Variants in PACRG observed in about 807,000 individuals in gnomAD.
PACRG encodes parkin coregulated.
In PACRG, 29 loss-of-function variants were observed where a neutral mutation model predicts 29.7. The observed-to-expected ratio is 0.98, with a 90% CI of 0.73 to 1.33. PACRG has a LOEUF of 1.33. Among genes scored for constraint, PACRG ranks in the 40% most tolerant of loss-of-function variants. PACRG has a pLI of 0.00. For missense variants in PACRG, 279 were observed against 316.2 expected (o/e 0.88, Z 0.89); for synonymous variants, 116 against 118.7 (o/e 0.98, Z 0.15).
At chr6:163,066,445 G>C (rs920871263) in intron 3 of PACRG, among the ~76,000 whole-genome samples, 3 of 152,210 alleles carry the variant, frequency 2.0e-5, no homozygotes, top group Non-Finnish European at 4.4e-5. Context: ...GGAGGACAGT[G>C]TAGTGTGAAA....
intron 4 of PACRG, among the ~76,000 whole-genome samples, chr6:163,102,889 G>A (rs1276940809): frequency 1.3e-5 from 2 of 152,180 alleles, no homozygotes; most frequent in Non-Finnish European, 2.9e-5. Context: ...TTTGTTGTTT[G>A]TTTTAATGTA....
intron 4 of PACRG, among the ~76,000 whole-genome samples, chr6:163,099,320 A>G (rs566526979): frequency 3.9e-5 from 6 of 152,310 alleles, no homozygotes; most frequent in Non-Finnish European, 8.8e-5. Flanking sequence ...AAGGCCTTAC[A>G]GATCTGCCTA....
chr6:162,793,838 C>T (rs941051145), intron 1 of PACRG, among the ~76,000 whole-genome samples: 7 of 152,108 alleles, frequency 4.6e-5, no homozygotes, highest in African/African-American at 1.7e-4. Flanking sequence ...CTTAACAATT[C>T]TTGTGTTCTG....
intron 2 of PACRG, among the ~76,000 whole-genome samples, chr6:162,931,952 G>A (rs1797881880): frequency 1.3e-5 from 2 of 151,958 alleles, no homozygotes; most frequent in African/African-American, 4.8e-5. Flanking sequence ...CAATGACTTC[G>A]ACATGAATGT....
At position 163,100,432 on chromosome 6, in the gene PACRG, C is replaced by T. The variant is rs114009029; in HGVS notation, c.613+11024C>T. 7.0e-3 allele frequency among the ~76,000 whole-genome samples: 1,070 copies of T among 152,302 alleles called. 13 individuals carry two copies. The highest frequency in any genetic ancestry group is 0.024 in the African/African-American group (1,015 of 41,568). Reference sequence around the variant, plus strand: ...GCGTCGCGCGGCCAGCCCCTGGGGACACCTTCAGGCTGCTCGAGAGGGTTC... The same window carrying T: ...GCGTCGCGCGGCCAGCCCCTGGGGATACCTTCAGGCTGCTCGAGAGGGTTC... On this transcript the variant is annotated intron_variant, in intron 4 of 4. Transcript: ENST00000366888.
At chr6:163,184,314 A>G (rs114540666) in intron 4 of PACRG, among the ~76,000 whole-genome samples, 1,740 of 152,278 alleles carry the variant, frequency 0.011, 34 homozygotes, top group African/African-American at 0.04. Context: ...GAGTCTGGTA[A>G]ATCCTGTACA....
At chr6:162,886,374 T>G (rs940382938) in intron 2 of PACRG, among the ~76,000 whole-genome samples, 1 of 152,196 alleles carries the variant, frequency 6.6e-6, no homozygotes, top group Non-Finnish European at 1.5e-5. Flanking sequence ...GGGCCACTCT[T>G]CTGTCCTCAT....
intron 1 of PACRG, among the ~76,000 whole-genome samples, chr6:162,771,063 A>T (rs955441044): frequency 6.6e-6 from 1 of 152,154 alleles, no homozygotes; most frequent in African/African-American, 2.4e-5. Flanking sequence ...GAAATACATT[A>T]GTATTCTTAA....
intron 2 of PACRG, among the ~76,000 whole-genome samples, chr6:162,954,912 T>C (rs1799907017): frequency 6.6e-6 from 1 of 152,214 alleles, no homozygotes; most frequent in Non-Finnish European, 1.5e-5. Flanking sequence ...CTGATATTAG[T>C]AGCTGAGAAT....
chr6:163,262,150 C>T (rs1272227168), intron 4 of PACRG, among the ~76,000 whole-genome samples: 1 of 152,154 alleles, frequency 6.6e-6, no homozygotes, highest in Non-Finnish European at 1.5e-5. Context: ...GGCCCTGGCC[C>T]AAGACTTTGA....
intron 1 of PACRG, among the ~76,000 whole-genome samples, chr6:162,787,586 A>ATC (rs1784599205): frequency 1.2e-4 from 6 of 49,796 alleles, no homozygotes; most frequent in Non-Finnish European, 2.2e-4. Flanking sequence ...GTGTGTGTAT[A>ATC]TATATATATA....
At chr6:163,241,543 G>A (rs1331865951) in intron 4 of PACRG, among the ~76,000 whole-genome samples, 3 of 152,162 alleles carry the variant, frequency 2.0e-5, no homozygotes, top group Non-Finnish European at 4.4e-5. Context: ...TGGGGACCAG[G>A]GTTTTGGAAA....
intron 4 of PACRG, chr6:163,183,072 T>C (rs1779748554): frequency 6.6e-6 from 1 of 152,188 alleles, no homozygotes; most frequent in African/African-American, 2.4e-5. Flanking sequence ...TGTTGGACAA[T>C]TGAAGAGTGA....
chr6:163,248,909 G>A (rs572294782), intron 4 of PACRG, among the ~76,000 whole-genome samples: 5 of 151,590 alleles, frequency 3.3e-5, no homozygotes, highest in East Asian at 1.9e-4. Flanking sequence ...GACACTACTC[G>A]GGAGGCTGAG....
At chr6:163,191,426 G>A (rs957868085) in intron 4 of PACRG, among the ~76,000 whole-genome samples, 3 of 152,012 alleles carry the variant, frequency 2.0e-5, no homozygotes, top group African/African-American at 7.3e-5. Flanking sequence ...CCAACGCCAC[G>A]AGGCCTTTCC....
At chr6:163,004,097 G>A (rs1054291634) in intron 2 of PACRG, among the ~76,000 whole-genome samples, 4 of 151,930 alleles carry the variant, frequency 2.6e-5, no homozygotes, top group Non-Finnish European at 4.4e-5. Flanking sequence ...TTCCAATAAT[G>A]TAAACCACAG....
intron 2 of PACRG, among the ~76,000 whole-genome samples, chr6:162,824,898 C>T (rs576374374): frequency 1.3e-5 from 2 of 152,280 alleles, no homozygotes; most frequent in South Asian, 4.1e-4. Context: ...ATTCTTAATC[C>T]TTTATGCAGT....
chr6:163,028,442 C>T (rs574558200), intron 2 of PACRG, among the ~76,000 whole-genome samples: 5 of 152,140 alleles, frequency 3.3e-5, no homozygotes, highest in Non-Finnish European at 7.4e-5. Context: ...CTAACACAAT[C>T]AACCTTTAAG....
In PACRG at chr6:163,068,068, A is replaced by G. The variant is rs192899530; in HGVS notation, c.463+5747A>G. Among the ~76,000 whole-genome samples, 5 of 152,306 alleles carry G rather than the reference A, an allele frequency of 3.3e-5. No homozygotes were observed. The East Asian group carries it at 9.7e-4, about 29-fold the overall frequency. On this transcript the variant is annotated intron_variant, in intron 3 of 4. Transcript: ENST00000366888. Reference sequence around the variant, plus strand: ...GGAGACATTCACTCTTCCATCCTCCATCCATCCATTTGCTCCAATCTGGAC... The same window carrying G: ...GGAGACATTCACTCTTCCATCCTCCGTCCATCCATTTGCTCCAATCTGGAC...
Sources: gnomAD v4.1 joint callset for allele counts (sites outside exome capture counted in the v4.1 genomes callset) on GRCh38, gnomAD v4.1.1 for gene constraint, MANE v1.5 for transcripts, NCBI Gene and HGNC (gene_info 2026-07-23, HGNC 2026-07-21) for gene names.